CLIC5: variants seen among roughly 807,000 people sequenced by gnomAD.
The protein encoded by CLIC5 is chloride intracellular channel protein 5.
Under a neutral mutation model 24.7 loss-of-function variants are expected in CLIC5, and 20 were observed. The observed-to-expected ratio is 0.81, with a 90% CI of 0.57 to 1.18. The LOEUF is 1.18. Ranked by LOEUF, CLIC5 falls within the 50% of genes most tolerant of loss-of-function variation. The probability of loss-of-function intolerance (pLI) is 0.00; values close to 1 mark genes in which losing one functional copy is unlikely to be tolerated. For missense variants in CLIC5, 341 were observed against 326.1 expected (o/e 1.05, Z -0.35); for synonymous variants, 159 against 135.6 (o/e 1.17, Z -1.20).
intron 4 of CLIC5, among the ~76,000 whole-genome samples, chr6:45,929,533 G>A (rs188677656): frequency 1.1e-4 from 16 of 152,358 alleles, no homozygotes; most frequent in Non-Finnish European, 2.2e-4. Flanking sequence ...GCACACAGGG[G>A]TTGCCAAGGA....
intron 1 of CLIC5, among the ~76,000 whole-genome samples, chr6:45,998,196 C>A (rs183088452): frequency 2.3e-4 from 35 of 152,304 alleles, no homozygotes; most frequent in Admixed American, 1.2e-3. Context: ...ATATTTTTCA[C>A]ACGGTGACAT....
chr6:46,090,524 T>G, the CLIC5 span, among the ~76,000 whole-genome samples: 2 of 152,182 alleles, frequency 1.3e-5, no homozygotes, highest in Non-Finnish European at 2.9e-5. Flanking sequence ...TCAATTCGCC[T>G]TTTACTTATT....
At chr6:45,968,540 A>G (rs1275568872) in intron 1 of CLIC5, among the ~76,000 whole-genome samples, 1 of 152,156 alleles carries the variant, frequency 6.6e-6, no homozygotes, top group East Asian at 1.9e-4. Context: ...CTGAAAAACT[A>G]GCTCACACAA....
intron 1 of CLIC5, among the ~76,000 whole-genome samples, chr6:45,987,512 A>G (rs1347515386): frequency 1.3e-5 from 2 of 152,238 alleles, no homozygotes; most frequent in African/African-American, 4.8e-5. Context: ...TATCGTTGTT[A>G]TAATCACAAC....
the CLIC5 span, among the ~76,000 whole-genome samples, chr6:46,089,994 G>T: frequency 1.3e-5 from 2 of 152,138 alleles, no homozygotes; most frequent in Non-Finnish European, 2.9e-5. Context: ...GCTGCTTTCT[G>T]CTGTTTGTAA....
the CLIC5 span, among the ~76,000 whole-genome samples, chr6:46,101,304 A>T: frequency 6.6e-6 from 1 of 152,260 alleles, no homozygotes; most frequent in Non-Finnish European, 1.5e-5. Context: ...GAAAGGAATG[A>T]GTGTTTCAAA....
upstream of CLIC5, among the ~76,000 whole-genome samples, chr6:46,016,957 T>C (rs1004144682): frequency 3.9e-5 from 6 of 152,264 alleles, no homozygotes; most frequent in Non-Finnish European, 8.8e-5. Flanking sequence ...AATGGACATT[T>C]GTGCAGGTGA....
At chr6:45,922,725 C>T (rs930283143) in intron 4 of CLIC5, among the ~76,000 whole-genome samples, 1 of 151,930 alleles carries the variant, frequency 6.6e-6, no homozygotes, top group South Asian at 2.1e-4. Context: ...TCACTTAGGT[C>T]TTCGAATTAA....
chr6:45,960,325 C>G (rs1271081881), intron 1 of CLIC5, among the ~76,000 whole-genome samples: 1 of 152,186 alleles, frequency 6.6e-6, no homozygotes, highest in African/African-American at 2.4e-5. Context: ...ATAGATGAGT[C>G]AGTTATCAAT....
At chr6:45,958,422 T>TTATATA (rs35922936) in intron 1 of CLIC5, among the ~76,000 whole-genome samples, 49 of 8,338 alleles carry the variant, frequency 5.9e-3, no homozygotes, top group Non-Finnish European at 8.4e-3. Flanking sequence ...AAAAAGACAA[T>TTATATA]TATATATATA....
Position 45,899,564 on chromosome 6 carries a change from C to T in CLIC5, c.*3524G>A, listed in dbSNP as rs1178085193. 6.6e-6 allele frequency: 1 copy of T among 152,346 alleles called. No homozygotes were observed. The highest frequency in any genetic ancestry group is 2.4e-5 in the African/African-American group (1 of 41,452). The allele number at this position is 152,346 out of a possible 1,614,324, so 9.4% of individuals were successfully genotyped here. ...TCCTGCCTCTGCCTCTCTCTTAGTT[C>T]TATTTGTCCAGGCCTTGCTGATTTC... On this transcript the variant is annotated 3_prime_UTR_variant, in exon 6 of 6. Transcript: ENST00000339561.
chr6:46,001,138 A>G (rs896008243), intron 1 of CLIC5, among the ~76,000 whole-genome samples: 1 of 152,170 alleles, frequency 6.6e-6, no homozygotes, highest in African/African-American at 2.4e-5. Context: ...GCCTCTTATC[A>G]TCCTTTAGGG....
chr6:45,901,674 C>T lies in CLIC5; in HGVS notation c.*1414G>A, dbSNP rs1320276936. 4 of 152,396 alleles carry T rather than the reference C, an allele frequency of 2.6e-5. No homozygotes were observed. The highest frequency in any genetic ancestry group is 9.7e-5 in the African/African-American group (4 of 41,418). 9.4% of individuals were successfully genotyped at this position (152,396 alleles called of 1,614,324 possible). ...AGTGCATTTTTCTTAGTTTCCTCTGCACAGGTCCCCAAGCTCAGGCTGGGT... is the reference window on the plus strand; with the variant it reads ...AGTGCATTTTTCTTAGTTTCCTCTGTACAGGTCCCCAAGCTCAGGCTGGGT... On this transcript the variant is annotated 3_prime_UTR_variant, in exon 6 of 6. Transcript: ENST00000339561.
intron 1 of CLIC5, among the ~76,000 whole-genome samples, chr6:46,035,768 T>C (rs1238950455): frequency 6.6e-6 from 1 of 151,988 alleles, no homozygotes; most frequent in East Asian, 1.9e-4. Context: ...TTTTTTAAGA[T>C]GGATTCTCCC....
intron 4 of CLIC5, chr6:45,920,013 G>T: frequency 4.7e-6 from 1 of 214,146 alleles, no homozygotes; most frequent in Non-Finnish European, 8.0e-6. Context: ...CTGGGTGCAA[G>T]GACTGTCCCA....
chr6:45,923,724 G>A lies in CLIC5; in HGVS notation c.407-9315C>T, dbSNP rs965623474. Among the ~76,000 whole-genome samples the A allele has an allele frequency of 2.6e-5, 4 of 152,178 alleles. 1 individual carries two copies. Among genetic ancestry groups the A allele is most frequent in the Non-Finnish European group, 4.4e-5 (3 of 68,032 alleles). The stretch of plus-strand genomic sequence containing the variant: ...TCATTCATTGAGTATTCATCGGATC[G>A]TGAACTGATTTGATCACCATTTCCT... On this transcript the variant is annotated intron_variant, in intron 4 of 5. Coordinates refer to ENST00000339561, the MANE Select transcript of CLIC5 (RefSeq NM_016929.5).
chr6:46,028,707 T>A (rs1240402103), intron 1 of CLIC5, among the ~76,000 whole-genome samples: 1 of 152,180 alleles, frequency 6.6e-6, no homozygotes. Context: ...AGATTTCCCA[T>A]GTACACCCTG....
intron 1 of CLIC5, among the ~76,000 whole-genome samples, chr6:45,996,938 C>T (rs1046332361): frequency 2.0e-5 from 3 of 152,024 alleles, no homozygotes; most frequent in African/African-American, 7.3e-5. Flanking sequence ...TTGTGGAAGT[C>T]AGTGTGGTGA....
chr6:45,892,391 A>G (rs1052441307), intron 6 of CLIC5, among the ~76,000 whole-genome samples: 1 of 152,176 alleles, frequency 6.6e-6, no homozygotes, highest in Non-Finnish European at 1.5e-5. Context: ...TTGCACCGGG[A>G]GAGGTGAAGT....
Sources: gnomAD v4.1 joint callset for allele counts (sites outside exome capture counted in the v4.1 genomes callset) on GRCh38, gnomAD v4.1.1 for gene constraint, MANE v1.5 for transcripts, NCBI Gene and HGNC (gene_info 2026-07-23, HGNC 2026-07-21) for gene names.